Variants in SETD4 observed in about 807,000 individuals in gnomAD.
SETD4 encodes the protein SET domain-containing protein 4.
In SETD4, 46 loss-of-function variants were observed where a neutral mutation model predicts 58.3. That is an observed-to-expected ratio of 0.79 (90% CI 0.62 to 1.01). The LOEUF is 1.01. Among genes scored for constraint, SETD4 ranks in the 50% least tolerant of loss-of-function variants. SETD4 has a pLI of 0.00. For missense variants in SETD4, 490 were observed against 523.3 expected (o/e 0.94, Z 0.62); for synonymous variants, 190 against 202.6 (o/e 0.94, Z 0.53).
intron 9 of SETD4, among the ~76,000 whole-genome samples, chr21:36,038,805 T>C (rs2063903954): frequency 6.6e-6 from 1 of 151,886 alleles, no homozygotes; most frequent in Non-Finnish European, 1.5e-5. Flanking sequence ...ACTACAAAGG[T>C]TCGCAGGAAA....
intron 8 of SETD4, 113 bp from the exon 9 acceptor site, chr21:36,040,768 A>T: frequency 1.3e-5 from 11 of 869,018 alleles, no homozygotes; most frequent in Non-Finnish European, 2.1e-5. Context: ...ATGTCATGTA[A>T]CCTGCAACCT....
intron 3 of SETD4, among the ~76,000 whole-genome samples, chr21:36,055,287 T>C (rs1402476022): frequency 6.6e-6 from 1 of 152,228 alleles, no homozygotes; most frequent in African/African-American, 2.4e-5. Flanking sequence ...TAGTGTTTAA[T>C]ATCAAAAAAC....
intron 10 of SETD4, chr21:36,036,792 CAACA>C: frequency 2.9e-5 from 6 of 205,398 alleles, no homozygotes; most frequent in Non-Finnish European, 4.3e-5. Context: ...AAGTATTCAT[CAACA>C]GATGAATAAA....
At chr21:36,037,481 T>A (rs971136315) in intron 10 of SETD4, among the ~76,000 whole-genome samples, 17 of 151,312 alleles carry the variant, frequency 1.1e-4, no homozygotes, top group African/African-American at 3.9e-4. Context: ...GGCGGGCACT[T>A]GTAATCCCAG....
intron 7 of SETD4, chr21:36,042,944 G>T (rs2064133458): frequency 6.6e-6 from 1 of 152,144 alleles, no homozygotes; most frequent in African/African-American, 2.4e-5. Flanking sequence ...TCTATCATAT[G>T]AAAAAACAAA....
At chr21:36,047,478 A>T (rs1360516284) in intron 5 of SETD4, among the ~76,000 whole-genome samples, 1 of 152,204 alleles carries the variant, frequency 6.6e-6, no homozygotes. Context: ...GGAAAACTGA[A>T]GTACAATAAC....
At chr21:36,045,293 AAGGCTCCGCACCAC>A (rs1455664497) in intron 6 of SETD4, among the ~76,000 whole-genome samples, 1 of 152,236 alleles carries the variant, frequency 6.6e-6, no homozygotes, top group Non-Finnish European at 1.5e-5. Context: ...AGAAGGAAGG[AAGGCTCCGCACCAC>A]AGGCTGCTGG....
chr21:36,058,763 C>G, intron 2 of SETD4, 53 bp downstream of exon 2: 1 of 1,526,330 alleles, frequency 6.6e-7, no homozygotes, highest in Non-Finnish European at 8.8e-7. Context: ...AACAAACAAG[C>G]AATCACAAAA....
intron 4 of SETD4, chr21:36,051,203 T>C (rs1568929822): frequency 1.3e-5 from 21 of 1,605,880 alleles, no homozygotes; most frequent in Admixed American, 5.0e-5. Context: ...GTGAGACTAG[T>C]GAGCTGGAGC....
At position 36,057,154 on chromosome 21, in the gene SETD4, C is replaced by G. The variant is rs775262561; in HGVS notation, c.124G>C (p.Ala42Pro). Residue 42 changes from alanine (A) to proline (P), a missense_variant, in exon 3 of 12, where the codon GCT becomes CCT. Coordinates refer to ENST00000332131, the MANE Select transcript of SETD4 (RefSeq NM_017438.5). ...AAGTTTGAATCTTGAAACTTCCTAG[C>G]TTTCAGCCACTTCCTCAGCTCTATA... ...EFIELRKWLK[A>P]RKFQDSNLAP... 6.2e-7 allele frequency: 1 copy of G among 1,614,230 alleles called. No individual in the cohort carries two copies. The highest frequency in any genetic ancestry group is 8.5e-7 in the Non-Finnish European group (1 of 1,180,050).
rs934420822 is a variant in SETD4 at position 36,048,453 on chromosome 21, T to C, written c.208-57A>G. 5.4e-6 allele frequency: 8 copies of C among 1,492,890 alleles called. No homozygotes were observed. In the Admixed American group the frequency reaches 1.3e-4, roughly 25 times the overall value. 92.5% of individuals were successfully genotyped at this position (1,492,890 alleles called of 1,614,324 possible). A position where few individuals can be genotyped will look rare whatever the true frequency, so the allele number is the denominator to read the frequency against. ...CTATGCTTTGGGAAGGACCCATGAG[T>C]ATGAGTCTTACAAAGTCGTTGATCC... On this transcript the variant is annotated intron_variant, in intron 4 of 11. Transcript: ENST00000332131.
At chr21:36,056,034 G>A (rs2064967342) in intron 3 of SETD4, among the ~76,000 whole-genome samples, 1 of 152,122 alleles carries the variant, frequency 6.6e-6, no homozygotes. Context: ...AAAACAGAAA[G>A]TCAAGCATTA....
chr21:36,047,473 A>G (rs16993834), intron 5 of SETD4, among the ~76,000 whole-genome samples: 3,860 of 152,266 alleles, frequency 0.025, 72 homozygotes, highest in African/African-American at 0.053. Flanking sequence ...TTCAAGGAAA[A>G]CTGAAGTACA....
rs1018168595 is a variant in SETD4 at position 36,051,173 on chromosome 21, C to G, written c.207+2410G>C. ...AGCTCACCCAGCGTATGTCCCTGCT[C>G]TCTGTGGTGTCCACTGCCAGTGAGA... On this transcript the variant is annotated intron_variant, in intron 4 of 11. Coordinates refer to ENST00000332131, the MANE Select transcript of SETD4 (RefSeq NM_017438.5). 4.4e-6 allele frequency: 7 copies of G among 1,593,586 alleles called. No homozygotes were observed. In the African/African-American group the frequency reaches 9.4e-5, roughly 21 times the overall value.
Position 36,050,621 on chromosome 21 carries a change from T to C in SETD4, c.208-2225A>G, listed in dbSNP as rs746867798. ...TTCCTCTGCCGGATACTTTCTCTTA[T>C]GGTGGCCATGAAAATTTTGCTAAAA... On this transcript the variant is annotated intron_variant, in intron 4 of 11. Coordinates refer to ENST00000332131, the MANE Select transcript of SETD4 (RefSeq NM_017438.5). The C allele has an allele frequency of 4.3e-5, 69 of 1,611,756 alleles. 1 individual carries two copies. The highest frequency in any genetic ancestry group is 1.8e-4 in the East Asian group (8 of 44,892).
At chr21:36,048,594 G>A (rs997820749) in intron 4 of SETD4, among the ~76,000 whole-genome samples, 198 bp from the exon 5 acceptor site, 7 of 152,056 alleles carry the variant, frequency 4.6e-5, no homozygotes, top group South Asian at 2.1e-4. Context: ...GCTCCAAGGC[G>A]AGGCCCCACA....
intron 4 of SETD4, chr21:36,050,816 T>C (rs2064639130): frequency 6.2e-7 from 1 of 1,610,106 alleles, no homozygotes; most frequent in Non-Finnish European, 8.5e-7. Flanking sequence ...AAGAGTCACA[T>C]GGACGGGATG....
chr21:36,036,255 A>C lies in SETD4; in HGVS notation c.1189-4T>G. On this transcript the variant is annotated splice_region_variant and splice_polypyrimidine_tract_variant and intron_variant, in intron 10 of 11. Transcript: ENST00000332131. ...TTTCATCCTTCATATGAGACACCTGAAAGTTATTTTTTAATTATTGTTATT... is the reference window on the plus strand; with the variant it reads ...TTTCATCCTTCATATGAGACACCTGCAAGTTATTTTTTAATTATTGTTATT... 6.3e-7 allele frequency: 1 copy of C among 1,580,834 alleles called. No homozygotes were observed. The highest frequency in any genetic ancestry group is 1.4e-5 in the African/African-American group (1 of 72,796).
chr21:36,045,559 C>G lies in SETD4; in HGVS notation c.726+23G>C, dbSNP rs765199150. 1.9e-6 allele frequency: 3 copies of G among 1,605,594 alleles called. No homozygotes were observed. In the African/African-American group the frequency reaches 4.0e-5, roughly 21 times the overall value. On this transcript the variant is annotated intron_variant, in intron 6 of 11. Coordinates refer to ENST00000332131, the MANE Select transcript of SETD4 (RefSeq NM_017438.5). ...AAGCCTTCCTATCCAAATAGAATAG[C>G]TGCTCCCTTGTCAGCTTCTCACCTG... is the stretch of plus-strand genomic sequence containing the variant.
Sources: allele counts gnomAD v4.1 joint callset (sites outside exome capture counted in the v4.1 genomes callset), GRCh38; gene constraint gnomAD v4.1.1; transcripts MANE v1.5; gene names NCBI Gene and HGNC (gene_info 2026-07-23, HGNC 2026-07-21).